The following CAMTA1 variants were observed in gnomAD, a reference collection of about 807,000 sequenced individuals.
CAMTA1 encodes the protein calmodulin-binding transcription activator 1.
A neutral mutation model predicts 170.9 loss-of-function variants in CAMTA1; 27 were observed. That is an observed-to-expected ratio of 0.16 (90% CI 0.12 to 0.22). The LOEUF is 0.22. CAMTA1 is among the 10% of genes least tolerant of loss of function. The pLI is 1.00. For synonymous variants in CAMTA1, 833 were observed against 891.5 expected (o/e 0.93, Z 1.17); for missense variants, 1,619 against 2,217.2 (o/e 0.73, Z 5.42).
chr1:7,094,829 G>A (rs1349424417), intron 4 of CAMTA1, among the ~76,000 whole-genome samples: 4 of 152,116 alleles, frequency 2.6e-5, no homozygotes, highest in Non-Finnish European at 4.4e-5. Context: ...ATCACCCTGC[G>A]GAACGTGTTT....
intron 5 of CAMTA1, among the ~76,000 whole-genome samples, chr1:7,338,728 G>A (rs1434571037): frequency 3.9e-5 from 6 of 152,232 alleles, no homozygotes; most frequent in South Asian, 2.1e-4. Context: ...CCTGTGCAGC[G>A]TAGATGGACT....
At chr1:7,530,974 G>A (rs925616637) in intron 6 of CAMTA1, among the ~76,000 whole-genome samples, 2 of 151,874 alleles carry the variant, frequency 1.3e-5, no homozygotes, top group African/African-American at 2.4e-5. Flanking sequence ...CTGCCACCAT[G>A]CCCGGCTAAT....
At chr1:6,928,221 T>C (rs1165545383) in intron 3 of CAMTA1, among the ~76,000 whole-genome samples, 1 of 152,236 alleles carries the variant, frequency 6.6e-6, no homozygotes, top group African/African-American at 2.4e-5. Flanking sequence ...ACGCTGCTGA[T>C]GCTAACAGAA....
intron 6 of CAMTA1, among the ~76,000 whole-genome samples, chr1:7,555,338 G>A (rs1333526807): frequency 6.6e-6 from 1 of 152,166 alleles, no homozygotes; most frequent in African/African-American, 2.4e-5. Context: ...CAGGAGGGCA[G>A]CTGGGACCAG....
intron 5 of CAMTA1, among the ~76,000 whole-genome samples, chr1:7,387,739 G>A (rs571745747): frequency 1.3e-5 from 2 of 152,324 alleles, no homozygotes; most frequent in African/African-American, 2.4e-5. Context: ...GGTTATGACA[G>A]GGAAAGAATT....
At chr1:7,361,866 T>C (rs2085565953) in intron 5 of CAMTA1, among the ~76,000 whole-genome samples, 1 of 152,198 alleles carries the variant, frequency 6.6e-6, no homozygotes, top group Non-Finnish European at 1.5e-5. Flanking sequence ...CTGTTTCCTT[T>C]CCTCTCTTTC....
At chr1:6,836,932 C>T (rs1443476082) in intron 3 of CAMTA1, among the ~76,000 whole-genome samples, 1 of 151,214 alleles carries the variant, frequency 6.6e-6, no homozygotes, top group Admixed American at 6.7e-5. Flanking sequence ...AGCTCATACC[C>T]TGAAGGAGTT....
chr1:7,171,598 T>C (rs1352861005), intron 4 of CAMTA1, among the ~76,000 whole-genome samples: 3 of 152,300 alleles, frequency 2.0e-5, no homozygotes, highest in African/African-American at 7.2e-5. Flanking sequence ...CCCTTAAATT[T>C]TAAAAAACTG....
rs543145425 is a variant in CAMTA1 at position 7,667,281 on chromosome 1, G to T, written c.2652+2082G>T. Among the ~76,000 whole-genome samples the T allele has an allele frequency of 1.8e-4, 27 of 152,206 alleles. 1 individual carries two copies. The South Asian group carries it at 5.2e-3, about 29-fold the overall frequency. ...ACCCCACCCCATGAAGGCCAGTTGG[G>T]CATCTTCCCCGTGCCCCCTGACCCT... On this transcript the variant is annotated intron_variant, in intron 9 of 22. Coordinates refer to ENST00000303635, the MANE Select transcript of CAMTA1 (RefSeq NM_015215.4).
intron 4 of CAMTA1, among the ~76,000 whole-genome samples, chr1:7,183,652 A>G (rs1483978570): frequency 6.6e-6 from 1 of 152,210 alleles, no homozygotes; most frequent in African/African-American, 2.4e-5. Context: ...TGAAAAAGAA[A>G]GAGGATGGTT....
Position 7,547,804 on chromosome 1 carries a change from C to G in CAMTA1, c.510+79903C>G, listed in dbSNP as rs1196382654. On this transcript the variant is annotated intron_variant, in intron 6 of 22. Transcript: ENST00000303635. This position sits in a 1 kb window ranked among gnomAD's most constrained non-coding sequence, Gnocchi z 5.7. ...CATAATCTCCCTGTACACAACCAGT[C>G]TCACATCTCTGCCACCCCATGTGGG... Among the ~76,000 whole-genome samples, 1 of 151,468 alleles carries G rather than the reference C, an allele frequency of 6.6e-6. No homozygotes were observed. Among genetic ancestry groups the G allele is most frequent in the Non-Finnish European group, 1.5e-5 (1 of 67,864 alleles).
chr1:7,605,375 C>A (rs111402824), intron 6 of CAMTA1, among the ~76,000 whole-genome samples: 1 of 152,232 alleles, frequency 6.6e-6, no homozygotes, highest in Admixed American at 6.5e-5. Flanking sequence ...ACTCAAGCCT[C>A]GGCAATGGCA....
At chr1:6,843,802 A>G (rs1429524417) in intron 3 of CAMTA1, among the ~76,000 whole-genome samples, 4 of 152,146 alleles carry the variant, frequency 2.6e-5, no homozygotes, top group African/African-American at 9.7e-5. Flanking sequence ...ATAATTCTCT[A>G]TGACATTGAC....
chr1:7,514,843 C>T (rs1053488971), intron 6 of CAMTA1, among the ~76,000 whole-genome samples: 2 of 152,172 alleles, frequency 1.3e-5, no homozygotes, highest in African/African-American at 4.8e-5. Flanking sequence ...CCCCCCACCA[C>T]CCCATTATTC....
In CAMTA1 at chr1:7,430,829, G is replaced by GC. The variant is rs572766111; in HGVS notation, c.439-36999dup. On this transcript the variant is annotated intron_variant, in intron 5 of 22. Transcript: ENST00000303635. ...CTAAATCCCTGCACTTCCAAGGCTCGCCATCTGTTTCCTATTAGAGTCTCA... is the reference window on the plus strand; with the variant it reads ...CTAAATCCCTGCACTTCCAAGGCTCGCCCATCTGTTTCCTATTAGAGTCTCA... Among the ~76,000 whole-genome samples, 3 of 152,244 alleles carry GC rather than the reference G, an allele frequency of 2.0e-5. No individual in the cohort carries two copies. The South Asian group carries it at 6.2e-4, about 32-fold the overall frequency.
intron 6 of CAMTA1, among the ~76,000 whole-genome samples, chr1:7,611,693 C>T (rs886907538): frequency 6.6e-6 from 1 of 152,248 alleles, no homozygotes; most frequent in African/African-American, 2.4e-5. Context: ...CTTACTGTAC[C>T]TCCCAGGCTC....
At chr1:7,555,154 G>T (rs763751288) in intron 6 of CAMTA1, among the ~76,000 whole-genome samples, 14 of 152,096 alleles carry the variant, frequency 9.2e-5, no homozygotes, top group Non-Finnish European at 2.1e-4. Context: ...TCTGGGAGCC[G>T]GATTGGCCTG....
At chr1:6,806,218 A>G (rs926883876) in intron 1 of CAMTA1, among the ~76,000 whole-genome samples, 2 of 152,166 alleles carry the variant, frequency 1.3e-5, no homozygotes, top group Admixed American at 6.5e-5. Context: ...CCATTGATCT[A>G]TATGTCTATC....
At chr1:6,839,965 C>T (rs1033397709) in intron 3 of CAMTA1, among the ~76,000 whole-genome samples, 1 of 152,136 alleles carries the variant, frequency 6.6e-6, no homozygotes, top group Admixed American at 6.5e-5. Flanking sequence ...CTCTGGGAGG[C>T]CGAGGTGGGC....
Sources: allele counts gnomAD v4.1 joint callset (sites outside exome capture counted in the v4.1 genomes callset), GRCh38; gene constraint gnomAD v4.1.1; non-coding constraint Gnocchi (gnomAD v3.1); transcripts MANE v1.5; gene names NCBI Gene and HGNC (gene_info 2026-07-23, HGNC 2026-07-21).